The following PCNT variants were observed in gnomAD, a reference collection of about 807,000 sequenced individuals.
PCNT encodes pericentrin, also known as kendrin.
Under a neutral mutation model 380.4 loss-of-function variants are expected in PCNT, and 319 were observed. The observed-to-expected ratio is 0.84, with a 90% CI of 0.77 to 0.92. The LOEUF (loss-of-function observed/expected upper bound fraction) is 0.92, where lower values mean the gene tolerates loss of function less well. Among genes scored for constraint, PCNT ranks in the 40% least tolerant of loss-of-function variants. The probability of loss-of-function intolerance (pLI) is 0.00; values close to 1 mark genes in which losing one functional copy is unlikely to be tolerated. For synonymous variants in PCNT, 1,845 were observed against 1,735.2 expected (o/e 1.06, Z -1.57); for missense variants, 4,400 against 4,255.3 (o/e 1.03, Z -0.95).
At chr21:46,358,623 G>GT (rs1344045042) in intron 13 of PCNT, among the ~76,000 whole-genome samples, 4 of 128,168 alleles carry the variant, frequency 3.1e-5, no homozygotes, top group South Asian at 2.5e-4. Flanking sequence ...TTGTTTTGTT[G>GT]TTTTGTTTTT....
At chr21:46,443,103 C>A (rs1434973517) in intron 44 of PCNT, 1 of 177,928 alleles carries the variant, frequency 5.6e-6, no homozygotes, top group Non-Finnish European at 1.2e-5. Flanking sequence ...CCACGCAGCA[C>A]AGAGAACGCG....
rs1488572554 is a variant in PCNT, at chr21:46,425,120, T to C, written c.7180-711T>C. ...TGTGCTCATGTGGTGGTGACCGCGC[T>C]GAGCCTCTGGGCTCTGGGCTCTAGG... On this transcript the variant is annotated intron_variant, in intron 32 of 46. Transcript: ENST00000359568. This position sits in a 1 kb window ranked among gnomAD's most constrained non-coding sequence, Gnocchi z 4.2. Among the ~76,000 whole-genome samples, 1 of 152,198 alleles carries C rather than the reference T, an allele frequency of 6.6e-6. No individual in the cohort carries two copies. The highest frequency in any genetic ancestry group is 2.4e-5 in the African/African-American group (1 of 41,448).
intron 6 of PCNT, chr21:46,348,160 GC>G: frequency 5.9e-6 from 1 of 170,586 alleles, no homozygotes; most frequent in Non-Finnish European, 1.3e-5. Flanking sequence ...TTGGGACAGA[GC>G]CCAGCCCTTG....
chr21:46,442,839 G>A (rs2053647030), intron 44 of PCNT: 2 of 531,670 alleles, frequency 3.8e-6, no homozygotes, highest in Non-Finnish European at 6.8e-6. Context: ...TTATTTAATA[G>A]TGTTTAGCAA....
At chr21:46,433,615 G>A (rs1359217837) in intron 38 of PCNT, among the ~76,000 whole-genome samples, 1 of 152,132 alleles carries the variant, frequency 6.6e-6, no homozygotes, top group African/African-American at 2.4e-5. Context: ...AGAACTTCCT[G>A]AAACCACGCC....
chr21:46,381,317 G>A (rs1325888404), intron 15 of PCNT, among the ~76,000 whole-genome samples: 1 of 151,636 alleles, frequency 6.6e-6, no homozygotes, highest in Admixed American at 6.6e-5. Context: ...TTTTAAAAGG[G>A]AAGGAACCTA....
intron 43 of PCNT, among the ~76,000 whole-genome samples, chr21:46,442,273 GT>G: frequency 6.6e-6 from 1 of 152,254 alleles, no homozygotes; most frequent in Middle Eastern, 3.4e-3. Flanking sequence ...TTGTCAGGTG[GT>G]TGGGCATGGG....
In PCNT at chr21:46,440,094, G is replaced by C. The variant is rs748429365; in HGVS notation, c.9285G>C (p.Arg3095Ser). ...QKGCSPSRSE[R>S]SAWKPDETAP... is the part of the protein sequence containing the mutation. ...GTGCTTCCTTACAGAGGTCGGAAAGGTCTGCTTGGAAGCCAGACGAAACGG... is the reference window on the plus strand; with the variant it reads ...GTGCTTCCTTACAGAGGTCGGAAAGCTCTGCTTGGAAGCCAGACGAAACGG... The change falls in exon 42 of 47, where the codon AGG becomes AGC. Residue 3095 changes from arginine to serine, a missense_variant. Physicochemically the swap from Arg to Ser is moderately radical, Grantham distance 110. Transcript: ENST00000359568. 4 of 1,614,006 alleles carry C rather than the reference G, an allele frequency of 2.5e-6. No homozygotes were observed. In the East Asian group the frequency reaches 6.7e-5, roughly 27 times the overall value.
chr21:46,421,943 G>A (rs941502645), intron 31 of PCNT, 27 bp from the exon 32 acceptor site: 14 of 1,612,482 alleles, frequency 8.7e-6, no homozygotes, highest in Non-Finnish European at 1.1e-5. Context: ...AGCTGTGGGT[G>A]GGACCCTGAC....
At chr21:46,414,421 T>C (rs2086926794) in intron 29 of PCNT, among the ~76,000 whole-genome samples, 1 of 145,992 alleles carries the variant, frequency 6.8e-6, no homozygotes, top group African/African-American at 2.6e-5. Flanking sequence ...CTGTCCACCC[T>C]CCTCCTCCTC....
chr21:46,346,809 G>T lies in PCNT; in HGVS notation c.787G>T (p.Glu263Ter). ...GAGCAACATGCACACGGCGCAGCTG[G>T]AGCTGACACAGGCCAACCTCCAGAA... ...SLSNMHTAQL[E>*]LTQANLQKEK... Residue 263 changes from glutamate (E) to a stop codon, truncating the protein, a stop_gained, in exon 5 of 47, where the codon GAG becomes TAG. Coordinates refer to ENST00000359568, the MANE Select transcript of PCNT (RefSeq NM_006031.6). LOFTEE classifies it high-confidence loss of function. The T allele has an allele frequency of 6.2e-7, 1 of 1,603,264 alleles. No homozygotes were observed. Among genetic ancestry groups the T allele is most frequent in the Non-Finnish European group, 8.5e-7 (1 of 1,175,868 alleles).
intron 31 of PCNT, 105 bp downstream of exon 31, chr21:46,418,411 C>A: frequency 4.0e-6 from 3 of 753,642 alleles, no homozygotes; most frequent in East Asian, 5.4e-5. Context: ...CGTCTGCCCC[C>A]CGCTGACCTC....
intron 3 of PCNT, among the ~76,000 whole-genome samples, chr21:46,340,133 G>A (rs2083871402): frequency 6.6e-6 from 1 of 152,194 alleles, no homozygotes; most frequent in South Asian, 2.1e-4. Context: ...CACATCTTAG[G>A]TGGATGGTGG....
intron 9 of PCNT, 96 bp from the exon 10 acceptor site, chr21:46,353,008 T>TC (rs1019802792): frequency 1.0e-6 from 1 of 998,742 alleles, no homozygotes; most frequent in Admixed American, 1.9e-5. Context: ...TTTTCCGAGT[T>TC]CTGCCCCCAC....
At chr21:46,438,465 G>A (rs1338900341) in intron 41 of PCNT, 128 bp downstream of exon 41, 25 of 791,726 alleles carry the variant, frequency 3.2e-5, no homozygotes, top group South Asian at 4.4e-5. Context: ...CTCCCTAACC[G>A]CCAGGCTCTG....
At chr21:46,344,278 G>A (rs1601788038) in intron 3 of PCNT, among the ~76,000 whole-genome samples, 1 of 152,044 alleles carries the variant, frequency 6.6e-6, no homozygotes, top group Non-Finnish European at 1.5e-5. Context: ...GTTTCACCAT[G>A]TTGGCCAGGA....
Position 46,367,042 on chromosome 21 carries a change from A to G in PCNT, c.3068A>G (p.His1023Arg). The G allele has an allele frequency of 6.2e-7, 1 of 1,614,092 alleles. No homozygotes were observed. The highest frequency in any genetic ancestry group is 8.5e-7 in the Non-Finnish European group (1 of 1,180,020). ...GAGTTGGAGAAACTGAAGCGGAAAC[A>G]CGAAGGGGAGCTACAGTCTGTGCGG... The part of the protein sequence containing the change: ...TQELEKLKRK[H>R]EGELQSVRDH... Residue 1023 changes from histidine (H) to arginine (R), a missense_variant, in exon 15 of 47, where the codon CAC becomes CGC. By Grantham distance (29) the His-to-Arg change is conservative (BLOSUM62 0). Coordinates refer to ENST00000359568, the MANE Select transcript of PCNT (RefSeq NM_006031.6).
At chr21:46,395,734 G>A (rs75896353) in intron 21 of PCNT, among the ~76,000 whole-genome samples, 41 of 118,620 alleles carry the variant, frequency 3.5e-4, no homozygotes, top group Middle Eastern at 6.7e-3. Context: ...TTCAGGATTC[G>A]GCAGCAGACA....
intron 43 of PCNT, among the ~76,000 whole-genome samples, chr21:46,441,480 G>A (rs1166426620): frequency 1.3e-5 from 2 of 152,220 alleles, no homozygotes; most frequent in East Asian, 1.9e-4. Context: ...AGCAGATGCA[G>A]CAGAGAGCAG....
Sources: gnomAD v4.1 joint callset for allele counts (sites outside exome capture counted in the v4.1 genomes callset) on GRCh38, gnomAD v4.1.1 for gene constraint, Gnocchi (gnomAD v3.1) non-coding constraint, MANE v1.5 for transcripts, NCBI Gene and HGNC (gene_info 2026-07-23, HGNC 2026-07-21) for gene names.